The following TENM4 variants were observed in gnomAD, a reference collection of about 807,000 sequenced individuals.
TENM4 encodes teneurin transmembrane protein 4, also known as teneurin-4.
TENM4 carries 82 observed loss-of-function variants against 243.3 expected under a neutral mutation model. That is an observed-to-expected ratio of 0.34 (90% CI 0.28 to 0.40). The LOEUF is 0.40. Ranked by LOEUF, TENM4 falls within the 10% of genes least tolerant of loss-of-function variation. The pLI is 1.00. For missense variants in TENM4, 3,138 were observed against 3,673.3 expected (o/e 0.85, Z 3.77); for synonymous variants, 1,412 against 1,456.3 (o/e 0.97, Z 0.69).
intron 2 of TENM4, among the ~76,000 whole-genome samples, chr11:79,293,727 A>G (rs1049801101): frequency 7.9e-5 from 12 of 152,096 alleles, no homozygotes; most frequent in Non-Finnish European, 1.5e-5. Flanking sequence ...CCCAGGCAAC[A>G]TGTCCACCTA....
intron 4 of TENM4, among the ~76,000 whole-genome samples, chr11:79,130,755 G>A (rs1477298410): frequency 2.0e-5 from 3 of 152,068 alleles, no homozygotes; most frequent in African/African-American, 7.2e-5. Flanking sequence ...CTCGGGGGGC[G>A]GAGCTTGCAG....
intron 9 of TENM4, among the ~76,000 whole-genome samples, chr11:78,864,112 T>C (rs1420479770): frequency 6.6e-6 from 1 of 152,130 alleles, no homozygotes; most frequent in Non-Finnish European, 1.5e-5. Context: ...TATAAAATAT[T>C]TCTGGTAGAA....
intron 4 of TENM4, among the ~76,000 whole-genome samples, chr11:79,111,861 G>T (rs1861515982): frequency 6.6e-6 from 1 of 152,188 alleles, no homozygotes; most frequent in Non-Finnish European, 1.5e-5. Flanking sequence ...GTCTCAGAGA[G>T]GAGACGTGGG....
rs557894027 is a variant in TENM4 at position 79,252,534 on chromosome 11, G to A, written c.-264-36625C>T. On this transcript the variant is annotated intron_variant, in intron 2 of 33. Coordinates refer to ENST00000278550, the MANE Select transcript of TENM4 (RefSeq NM_001098816.3). ...TTACAGGCGTGAGCCACTGCGCCTG[G>A]CTGAAGCAGTTCTACTCTCTAGTTT... 4.6e-5 allele frequency among the ~76,000 whole-genome samples: 7 copies of A among 152,334 alleles called. No homozygotes were observed. In the South Asian group the frequency reaches 1.4e-3, roughly 32 times the overall value.
At chr11:79,256,780 AG>A (rs1469284600) in intron 2 of TENM4, among the ~76,000 whole-genome samples, 1 of 152,190 alleles carries the variant, frequency 6.6e-6, no homozygotes, top group Non-Finnish European at 1.5e-5. Flanking sequence ...TTCAGATTTC[AG>A]GCTTTCATTG....
At chr11:79,172,155 C>T (rs1054269074) in intron 3 of TENM4, among the ~76,000 whole-genome samples, 13 of 152,120 alleles carry the variant, frequency 8.5e-5, no homozygotes, top group African/African-American at 1.4e-4. Flanking sequence ...GGTCTTACTA[C>T]GTTTCCCAGG....
intron 1 of TENM4, among the ~76,000 whole-genome samples, chr11:79,416,599 T>C (rs559706408): frequency 1.3e-5 from 2 of 152,346 alleles, no homozygotes; most frequent in South Asian, 4.1e-4. Flanking sequence ...GTGACAGATA[T>C]GATGCTAAGA....
At chr11:78,738,877 G>T (rs977394087) in intron 19 of TENM4, among the ~76,000 whole-genome samples, 1 of 152,134 alleles carries the variant, frequency 6.6e-6, no homozygotes, top group Non-Finnish European at 1.5e-5. Context: ...GGGCAATATC[G>T]CCTAGTTCTG....
At chr11:78,729,771 A>G in intron 21 of TENM4, 128 bp from the exon 22 acceptor site, 2 of 1,224,244 alleles carry the variant, frequency 1.6e-6, no homozygotes, top group Non-Finnish European at 1.1e-6. Context: ...AGAGGAGGGG[A>G]AAAAAAGAGG....
intron 4 of TENM4, among the ~76,000 whole-genome samples, chr11:79,119,678 T>C (rs1861699886): frequency 6.6e-6 from 1 of 152,198 alleles, no homozygotes; most frequent in Non-Finnish European, 1.5e-5. Flanking sequence ...TTTAATCTCA[T>C]TAGTGAACTG....
At chr11:79,225,412 A>T (rs769120591) in intron 2 of TENM4, among the ~76,000 whole-genome samples, 10 of 151,972 alleles carry the variant, frequency 6.6e-5, no homozygotes, top group Non-Finnish European at 1.3e-4. Flanking sequence ...AGATGGTATT[A>T]TGTCCTCCTG....
chr11:78,801,129 G>A (rs1157575500), intron 15 of TENM4, among the ~76,000 whole-genome samples: 1 of 152,138 alleles, frequency 6.6e-6, no homozygotes, highest in Non-Finnish European at 1.5e-5. Flanking sequence ...TAGAAAGGGG[G>A]CATGAGGCAA....
intron 6 of TENM4, among the ~76,000 whole-genome samples, chr11:78,915,255 G>T (rs1461454909): frequency 6.6e-6 from 1 of 152,200 alleles, no homozygotes; most frequent in Non-Finnish European, 1.5e-5. Flanking sequence ...CCTCCAGGAA[G>T]CCTTCTCTGA....
At chr11:78,763,744 C>T (rs185375456) in intron 18 of TENM4, among the ~76,000 whole-genome samples, 3 of 152,314 alleles carry the variant, frequency 2.0e-5, no homozygotes, top group African/African-American at 2.4e-5. Context: ...TTCCTATGCC[C>T]GAGACGCAAT....
chr11:79,152,194 T>C (rs1240415905), intron 3 of TENM4, among the ~76,000 whole-genome samples: 1 of 152,148 alleles, frequency 6.6e-6, no homozygotes, highest in Non-Finnish European at 1.5e-5. Flanking sequence ...CAAATATTAA[T>C]ATGTTGGTGT....
At chr11:78,972,747 G>A (rs1199360702) in intron 6 of TENM4, among the ~76,000 whole-genome samples, 2 of 152,160 alleles carry the variant, frequency 1.3e-5, no homozygotes, top group Admixed American at 6.5e-5. Flanking sequence ...TATATTCACA[G>A]AGTATTGCAA....
chr11:79,281,328 G>A (rs1445506596), intron 2 of TENM4, among the ~76,000 whole-genome samples: 1 of 152,230 alleles, frequency 6.6e-6, no homozygotes, highest in Non-Finnish European at 1.5e-5. Flanking sequence ...AGCAGCCATT[G>A]GGAGAGTTGG....
intron 6 of TENM4, among the ~76,000 whole-genome samples, chr11:79,060,220 A>T (rs913982205): frequency 1.3e-5 from 2 of 152,162 alleles, no homozygotes; most frequent in African/African-American, 4.8e-5. Flanking sequence ...TTGGCCTCTC[A>T]CGGCAGGGGA....
chr11:78,968,018 G>T (rs548182175), intron 6 of TENM4, among the ~76,000 whole-genome samples: 1 of 152,212 alleles, frequency 6.6e-6, no homozygotes, highest in Non-Finnish European at 1.5e-5. Flanking sequence ...GGATCACATG[G>T]GTGGATCTTT....
Sources: allele counts gnomAD v4.1 joint callset (sites outside exome capture counted in the v4.1 genomes callset), GRCh38; gene constraint gnomAD v4.1.1; transcripts MANE v1.5; gene names NCBI Gene and HGNC (gene_info 2026-07-23, HGNC 2026-07-21).